The following GALNT16 variants were observed in gnomAD, a reference collection of about 807,000 sequenced individuals.
GALNT16 encodes UDP-GalNAc:polypeptide N-acetylgalactosaminyltransferase-like protein 1.
GALNT16 carries 40 observed loss-of-function variants against 76.1 expected under a neutral mutation model. That is an observed-to-expected ratio of 0.53 (90% confidence interval 0.41 to 0.68). The LOEUF is 0.68. Ranked by LOEUF, GALNT16 falls within the 30% of genes least tolerant of loss-of-function variation. The probability of loss-of-function intolerance (pLI) is 0.00; values close to 1 mark genes in which losing one functional copy is unlikely to be tolerated. For missense variants in GALNT16, 621 were observed against 731.9 expected (o/e 0.85, Z 1.75); for synonymous variants, 276 against 285.2 (o/e 0.97, Z 0.32).
chr14:69,287,355 G>GT (rs1413152896), intron 1 of GALNT16, among the ~76,000 whole-genome samples: 1 of 152,242 alleles, frequency 6.6e-6, no homozygotes, highest in Non-Finnish European at 1.5e-5. Flanking sequence ...CAGATGCTCA[G>GT]TAAGTGTTTA....
At chr14:69,384,829 C>T in the GALNT16 span, among the ~76,000 whole-genome samples, 2 of 152,194 alleles carry the variant, frequency 1.3e-5, no homozygotes, top group Admixed American at 6.5e-5. Flanking sequence ...TTAATATACA[C>T]ATTATTGGTA....
Position 69,321,681 on chromosome 14 carries a change from A to T in GALNT16, c.335+813A>T, listed in dbSNP as rs78793565. 9.5e-3 allele frequency among the ~76,000 whole-genome samples: 1,437 copies of T among 150,584 alleles called. 28 individuals carry two copies. Among genetic ancestry groups the T allele is most frequent in the African/African-American group, 0.033 (1,365 of 40,884 alleles). On this transcript the variant is annotated intron_variant, in intron 2 of 14. Transcript: ENST00000448469. The stretch of plus-strand genomic sequence containing the variant: ...CATGCTGTTTCCTCTGCCTAAACGC[A>T]CCTCCTCCGCCCCACCTACCCTTTG...
intron 9 of GALNT16, 116 bp from the exon 10 acceptor site, chr14:69,338,535 C>G (rs2045442748): frequency 2.8e-6 from 4 of 1,442,080 alleles, no homozygotes; most frequent in Non-Finnish European, 3.8e-6. Flanking sequence ...GGCCCAGGAG[C>G]CCCGACCCCA....
intron 12 of GALNT16, among the ~76,000 whole-genome samples, 168 bp from the exon 13 acceptor site, chr14:69,346,872 A>T (rs906842087): frequency 2.6e-5 from 4 of 152,128 alleles, no homozygotes; most frequent in African/African-American, 9.7e-5. Flanking sequence ...CAGTCTTCCC[A>T]GAGGCCACTC....
At chr14:69,308,497 A>G (rs765811628) in intron 1 of GALNT16, among the ~76,000 whole-genome samples, 1 of 152,214 alleles carries the variant, frequency 6.6e-6, no homozygotes, top group Non-Finnish European at 1.5e-5. Flanking sequence ...TTCTTCTAAC[A>G]TTCCTTTAGA....
chr14:69,369,553 C>T, the GALNT16 span, among the ~76,000 whole-genome samples: 2 of 152,248 alleles, frequency 1.3e-5, no homozygotes, highest in East Asian at 1.9e-4. Context: ...TCAAGGCAAG[C>T]GGCTGATCTT....
chr14:69,375,221 A>G, the GALNT16 span, among the ~76,000 whole-genome samples: 3 of 152,134 alleles, frequency 2.0e-5, no homozygotes, highest in African/African-American at 7.2e-5. Context: ...TCCTGCTTCT[A>G]ATGCTTAGTG....
At chr14:69,296,788 TAGACAGAC>T (rs76642724) in intron 1 of GALNT16, among the ~76,000 whole-genome samples, 1 of 142,072 alleles carries the variant, frequency 7.0e-6, no homozygotes, top group African/African-American at 2.8e-5. Context: ...ATGATAGAGA[TAGACAGAC>T]AGATAGAGCT....
chr14:69,283,609 A>G lies in GALNT16; in HGVS notation c.177+23142A>G, dbSNP rs144439161. ...AGGGATGAAGACCACCGATGCTGGA[A>G]TCTAACTGTCTGGGTTCAAATTTAG... On this transcript the variant is annotated intron_variant, in intron 1 of 14. Transcript: ENST00000448469. 5.4e-4 allele frequency among the ~76,000 whole-genome samples: 82 copies of G among 152,286 alleles called. 1 individual carries two copies. Among genetic ancestry groups the G allele is most frequent in the Non-Finnish European group, 9.1e-4 (62 of 68,022 alleles).
At chr14:69,273,466 C>T (rs187177815) in intron 1 of GALNT16, among the ~76,000 whole-genome samples, 179 of 152,258 alleles carry the variant, frequency 1.2e-3, no homozygotes, top group African/African-American at 4.1e-3. Context: ...AGGCTATGAT[C>T]GATTAGCCAT....
At chr14:69,267,508 G>T (rs1256952043) in intron 1 of GALNT16, among the ~76,000 whole-genome samples, 1 of 152,206 alleles carries the variant, frequency 6.6e-6, no homozygotes, top group African/African-American at 2.4e-5. Flanking sequence ...CATAAAGTGA[G>T]GTGTGGCTCT....
chr14:69,322,517 T>C (rs946266363), intron 2 of GALNT16, among the ~76,000 whole-genome samples: 5 of 152,204 alleles, frequency 3.3e-5, no homozygotes, highest in African/African-American at 1.2e-4. Context: ...GGGGGCTATG[T>C]ACATTTTTAA....
chr14:69,304,413 G>C (rs1954119), intron 1 of GALNT16, among the ~76,000 whole-genome samples: 56,070 of 152,002 alleles, frequency 0.37, 11,343 homozygotes, highest in East Asian at 0.83. Context: ...AAAATGTAGG[G>C]CTTTTAATTC....
chr14:69,286,082 G>A (rs2044607193), intron 1 of GALNT16, among the ~76,000 whole-genome samples: 1 of 152,122 alleles, frequency 6.6e-6, no homozygotes, highest in Admixed American at 6.5e-5. Flanking sequence ...GCCTTTGGGT[G>A]AGGTGCCCAG....
Position 69,342,763 on chromosome 14 carries a change from G to A in GALNT16, c.1271+999G>A, listed in dbSNP as rs185873435. On this transcript the variant is annotated intron_variant, in intron 12 of 14. Transcript: ENST00000448469. ...GTTCTCACAGGACAGTGGGCAATAAGCTACGATGGCCTTTTCAGTGTCTCA... is the reference window on the plus strand; with the variant it reads ...GTTCTCACAGGACAGTGGGCAATAAACTACGATGGCCTTTTCAGTGTCTCA... Among the ~76,000 whole-genome samples, 264 of 152,238 alleles carry A rather than the reference G, an allele frequency of 1.7e-3. 2 individuals carry two copies. Among genetic ancestry groups the A allele is most frequent in the African/African-American group, 6.1e-3 (252 of 41,544 alleles).
At chr14:69,294,814 G>A (rs1216540393) in intron 1 of GALNT16, among the ~76,000 whole-genome samples, 6 of 152,094 alleles carry the variant, frequency 3.9e-5, no homozygotes, top group African/African-American at 1.4e-4. Context: ...GAACTCCTAG[G>A]CTCAAGGGAT....
At chr14:69,354,960 A>G (rs1218198632), downstream of GALNT16, 1 of 152,272 alleles carries the variant, frequency 6.6e-6, no homozygotes, top group Non-Finnish European at 1.5e-5. Flanking sequence ...TCCTGGGTAA[A>G]AACAGCAAAA....
At chr14:69,371,494 GAT>G in the GALNT16 span, among the ~76,000 whole-genome samples, 1 of 151,604 alleles carries the variant, frequency 6.6e-6, no homozygotes, top group Non-Finnish European at 1.5e-5. Flanking sequence ...CTGACCTCGT[GAT>G]CCACCCGCCT....
At chr14:69,328,271 G>A (rs1384444302) in intron 5 of GALNT16, among the ~76,000 whole-genome samples, 179 bp from the exon 6 acceptor site, 9 of 151,974 alleles carry the variant, frequency 5.9e-5, no homozygotes, top group Admixed American at 5.9e-4. Context: ...GTTGATGGGT[G>A]GATAAGAAGA....
Sources: gnomAD v4.1 joint callset for allele counts (sites outside exome capture counted in the v4.1 genomes callset) on GRCh38, gnomAD v4.1.1 for gene constraint, MANE v1.5 for transcripts, NCBI Gene and HGNC (gene_info 2026-07-23, HGNC 2026-07-21) for gene names.